Variants in DZIP3 observed in about 807,000 individuals in gnomAD.
The protein encoded by DZIP3 is E3 ubiquitin-protein ligase DZIP3.
In DZIP3, 118 loss-of-function variants were observed where a neutral mutation model predicts 162.0. The observed-to-expected ratio is 0.73, with a 90% CI of 0.63 to 0.85. The LOEUF (loss-of-function observed/expected upper bound fraction) is 0.85, where lower values mean the gene tolerates loss of function less well. DZIP3 is among the 40% of genes least tolerant of loss of function. The probability of loss-of-function intolerance (pLI) is 0.00; values close to 1 mark genes in which losing one functional copy is unlikely to be tolerated. For synonymous variants in DZIP3, 438 were observed against 458.6 expected (o/e 0.96, Z 0.57); for missense variants, 1,331 against 1,407.0 (o/e 0.95, Z 0.86).
At chr3:108,617,415 CT>C (rs75771327) in intron 5 of DZIP3, among the ~76,000 whole-genome samples, 31,810 of 151,868 alleles carry the variant, frequency 0.21, 3,837 homozygotes, top group East Asian at 0.45. Flanking sequence ...AATATTCTGT[CT>C]TTTTAAACCA....
chr3:108,603,744 A>G (rs1940164223), intron 1 of DZIP3, among the ~76,000 whole-genome samples: 1 of 152,166 alleles, frequency 6.6e-6, no homozygotes, highest in Non-Finnish European at 1.5e-5. Flanking sequence ...TTGTCTCTTA[A>G]TACTTTCTGT....
chr3:108,683,825 G>T (rs539051431), intron 26 of DZIP3, among the ~76,000 whole-genome samples: 1 of 152,210 alleles, frequency 6.6e-6, no homozygotes, highest in East Asian at 1.9e-4. Context: ...CACCAACATA[G>T]ATAACACTTC....
intron 26 of DZIP3, among the ~76,000 whole-genome samples, chr3:108,680,712 A>G (rs929430994): frequency 3.3e-5 from 5 of 152,098 alleles, no homozygotes; most frequent in African/African-American, 1.2e-4. Context: ...ATTACAAGGT[A>G]TCACCTCTCT....
intron 26 of DZIP3, among the ~76,000 whole-genome samples, chr3:108,679,922 T>C (rs926247075): frequency 6.6e-6 from 1 of 152,098 alleles, no homozygotes; most frequent in Admixed American, 6.6e-5. Flanking sequence ...TTGATTTTTG[T>C]AGCTTGGCTA....
At chr3:108,688,311 C>A (rs573341872) in intron 29 of DZIP3, among the ~76,000 whole-genome samples, 2 of 152,020 alleles carry the variant, frequency 1.3e-5, no homozygotes, top group African/African-American at 4.8e-5. Context: ...TAAAACTGAC[C>A]TCCTTGAAAT....
chr3:108,660,778 A>C (rs1217067832), intron 19 of DZIP3, among the ~76,000 whole-genome samples: 1 of 73,848 alleles, frequency 1.4e-5, no homozygotes, highest in Non-Finnish European at 2.6e-5. Flanking sequence ...CAATGAACTC[A>C]AACAAATTTA....
intron 21 of DZIP3, among the ~76,000 whole-genome samples, chr3:108,668,335 A>T (rs778364516): frequency 2.0e-5 from 3 of 152,096 alleles, no homozygotes; most frequent in Non-Finnish European, 4.4e-5. Context: ...TAGTAATTTC[A>T]TTCTGTTATA....
chr3:108,633,718 GAT>G (rs1491570837), intron 9 of DZIP3, among the ~76,000 whole-genome samples: 2 of 123,110 alleles, frequency 1.6e-5, no homozygotes, highest in African/African-American at 6.2e-5. Context: ...ACTTCTGATA[GAT>G]CTCTCTCTCT....
intron 8 of DZIP3, among the ~76,000 whole-genome samples, chr3:108,631,556 A>AATT (rs144310530): frequency 0.012 from 1,719 of 146,432 alleles, 48 homozygotes; most frequent in African/African-American, 0.04. Flanking sequence ...TTTTAAAAAA[A>AATT]ATTATTATTA....
chr3:108,591,511 C>A (rs1939419342), intron 1 of DZIP3, among the ~76,000 whole-genome samples: 1 of 152,204 alleles, frequency 6.6e-6, no homozygotes, highest in Admixed American at 6.5e-5. Context: ...AGCAGTCATA[C>A]AAATTTTGTA....
intron 19 of DZIP3, among the ~76,000 whole-genome samples, chr3:108,661,595 C>G (rs1169296630): frequency 6.6e-6 from 1 of 151,934 alleles, no homozygotes; most frequent in Admixed American, 6.6e-5. Flanking sequence ...TGTAACAAAC[C>G]TGCACATTGT....
At chr3:108,592,571 C>T (rs1939484356) in intron 1 of DZIP3, among the ~76,000 whole-genome samples, 1 of 151,824 alleles carries the variant, frequency 6.6e-6, no homozygotes, top group South Asian at 2.1e-4. Flanking sequence ...TGGTGCATGC[C>T]TGTAGTCCCA....
chr3:108,672,062 C>G (rs1448876611), intron 22 of DZIP3, among the ~76,000 whole-genome samples: 1 of 151,918 alleles, frequency 6.6e-6, no homozygotes. Flanking sequence ...CAGCCGTCTT[C>G]CCACTATAAC....
At chr3:108,601,301 T>G (rs1189607642) in intron 1 of DZIP3, among the ~76,000 whole-genome samples, 1 of 152,012 alleles carries the variant, frequency 6.6e-6, no homozygotes, top group Non-Finnish European at 1.5e-5. Flanking sequence ...GCCTCTGGCA[T>G]CTGGTGGATG....
At position 108,666,475 on chromosome 3, in the gene DZIP3, TA is replaced by T. The variant is rs1402995969; in HGVS notation, c.2424-3205del. On this transcript the variant is annotated intron_variant, in intron 21 of 32. Transcript: ENST00000361582. Reference sequence around the variant, plus strand: ...CACTTCAAACTCCACTCTCAATTTATAGTACTACTAAACAGAAAATCAGCAA... The same window carrying T: ...CACTTCAAACTCCACTCTCAATTTATGTACTACTAAACAGAAAATCAGCAA... Among the ~76,000 whole-genome samples, 3 of 152,120 alleles carry T rather than the reference TA, an allele frequency of 2.0e-5. No individual in the cohort carries two copies. In the East Asian group the frequency reaches 5.8e-4, roughly 29 times the overall value.
intron 1 of DZIP3, among the ~76,000 whole-genome samples, chr3:108,594,062 A>G (rs1169974574): frequency 1.3e-5 from 2 of 152,178 alleles, no homozygotes; most frequent in Non-Finnish European, 2.9e-5. Context: ...TCTCTATATT[A>G]AAAATTTACC....
At chr3:108,683,230 T>C (rs1398433135) in intron 26 of DZIP3, among the ~76,000 whole-genome samples, 2 of 150,800 alleles carry the variant, frequency 1.3e-5, no homozygotes, top group Non-Finnish European at 2.9e-5. Flanking sequence ...ACCATTGTCT[T>C]ACCTAAGAAA....
chr3:108,684,454 T>G (rs1944430498), intron 27 of DZIP3, 113 bp downstream of exon 27: 2 of 1,317,648 alleles, frequency 1.5e-6, no homozygotes, highest in East Asian at 2.4e-5. Context: ...ATGATGGGGG[T>G]GGTGGTGATA....
In DZIP3 at chr3:108,591,405, T is replaced by C. The variant is rs902079710; in HGVS notation, c.-73+1566T>C. ...GAGTTTGATAGTGTTGGACTTTTCA[T>C]CTGTGATGATGTGTCAGCATCGTCC... On this transcript the variant is annotated intron_variant, in intron 1 of 32. Coordinates refer to ENST00000361582, the MANE Select transcript of DZIP3 (RefSeq NM_014648.4). 8.5e-5 allele frequency among the ~76,000 whole-genome samples: 13 copies of C among 152,384 alleles called. 1 individual carries two copies. Among genetic ancestry groups the C allele is most frequent in the Admixed American group, 6.5e-4 (10 of 15,306 alleles).
Sources: gnomAD v4.1 joint callset for allele counts (sites outside exome capture counted in the v4.1 genomes callset) on GRCh38, gnomAD v4.1.1 for gene constraint, MANE v1.5 for transcripts, NCBI Gene and HGNC (gene_info 2026-07-23, HGNC 2026-07-21) for gene names.